SDK1: variants seen among roughly 807,000 people sequenced by gnomAD.
SDK1 encodes the protein protein sidekick-1.
Under a neutral mutation model 245.5 loss-of-function variants are expected in SDK1, and 157 were observed. The observed-to-expected ratio is 0.64, with a 90% CI of 0.56 to 0.73. The LOEUF (loss-of-function observed/expected upper bound fraction) is 0.73, where lower values mean the gene tolerates loss of function less well. Among genes scored for constraint, SDK1 ranks in the 30% least tolerant of loss-of-function variants. The pLI is 0.00. For synonymous variants in SDK1, 1,647 were observed against 1,278.5 expected (o/e 1.29, Z -6.15); for missense variants, 3,583 against 3,002.3 (o/e 1.19, Z -4.52).
At chr7:3,327,463 G>T (rs1450332513) in intron 1 of SDK1, among the ~76,000 whole-genome samples, 2 of 152,024 alleles carry the variant, frequency 1.3e-5, no homozygotes, top group Non-Finnish European at 2.9e-5. Context: ...TGATGCTTTT[G>T]GGTTTCTAGG....
At chr7:3,768,201 T>C (rs563815359) in intron 4 of SDK1, among the ~76,000 whole-genome samples, 1 of 152,308 alleles carries the variant, frequency 6.6e-6, no homozygotes, top group Admixed American at 6.5e-5. Flanking sequence ...AAAGCAGCGT[T>C]GAATATAATA....
chr7:4,018,564 A>G (rs1437538453), intron 17 of SDK1, among the ~76,000 whole-genome samples: 2 of 152,262 alleles, frequency 1.3e-5, no homozygotes, highest in Admixed American at 6.5e-5. Flanking sequence ...TAACTGGTCT[A>G]TTTAATAAAT....
At chr7:3,469,343 A>G (rs1781113026) in intron 1 of SDK1, among the ~76,000 whole-genome samples, 1 of 152,146 alleles carries the variant, frequency 6.6e-6, no homozygotes, top group Non-Finnish European at 1.5e-5. Flanking sequence ...AGGCAGGAGG[A>G]TTGCTTGAGC....
intron 8 of SDK1, among the ~76,000 whole-genome samples, chr7:3,959,793 C>CT (rs796300551): frequency 2.2e-3 from 316 of 145,662 alleles, no homozygotes; most frequent in Middle Eastern, 0.011. Flanking sequence ...GAAATGTTAC[C>CT]TTTTTTTTTT....
chr7:4,244,693 T>G (rs547361091), intron 43 of SDK1, among the ~76,000 whole-genome samples: 1 of 152,330 alleles, frequency 6.6e-6, no homozygotes, highest in Middle Eastern at 3.4e-3. Flanking sequence ...CTCAGGGCCT[T>G]GCATGGGTGT....
At chr7:4,038,366 A>T (rs1788366534) in intron 17 of SDK1, among the ~76,000 whole-genome samples, 1 of 148,372 alleles carries the variant, frequency 6.7e-6, no homozygotes, top group South Asian at 2.1e-4. Context: ...CGGGGCAAAC[A>T]ATTGAAGACA....
At chr7:3,479,337 G>C (rs866214072) in intron 1 of SDK1, among the ~76,000 whole-genome samples, 4 of 147,774 alleles carry the variant, frequency 2.7e-5, no homozygotes, top group Middle Eastern at 7.3e-3. Flanking sequence ...CAGGAGAATC[G>C]ATTGAACCCG....
chr7:3,433,325 T>C (rs1160702488), intron 1 of SDK1, among the ~76,000 whole-genome samples: 12 of 152,240 alleles, frequency 7.9e-5, no homozygotes, highest in Admixed American at 5.9e-4. Flanking sequence ...TGTTAGTTGA[T>C]ATTTGGTTTA....
intron 4 of SDK1, among the ~76,000 whole-genome samples, chr7:3,697,582 G>T (rs1784611680): frequency 6.6e-6 from 1 of 152,034 alleles, no homozygotes; most frequent in Non-Finnish European, 1.5e-5. Flanking sequence ...CTTACTGCTT[G>T]CCCCACATGA....
chr7:3,425,902 C>T (rs1048541043), intron 1 of SDK1, among the ~76,000 whole-genome samples: 1 of 152,080 alleles, frequency 6.6e-6, no homozygotes, highest in Non-Finnish European at 1.5e-5. Flanking sequence ...TAGGAGCCCA[C>T]ATAGGATGGA....
intron 44 of SDK1, among the ~76,000 whole-genome samples, chr7:4,247,335 G>A (rs924120728): frequency 1.7e-4 from 26 of 152,190 alleles, no homozygotes; most frequent in African/African-American, 6.0e-4. Context: ...AGAGGATGCC[G>A]GGTTTGCTGT....
intron 1 of SDK1, among the ~76,000 whole-genome samples, chr7:3,599,843 CTAGA>C (rs1781198170): frequency 6.6e-6 from 1 of 152,178 alleles, no homozygotes; most frequent in Non-Finnish European, 1.5e-5. Context: ...ATTACTGTAG[CTAGA>C]TAGTAACTTT....
chr7:3,557,968 G>C (rs746545771), intron 1 of SDK1, among the ~76,000 whole-genome samples: 2 of 152,112 alleles, frequency 1.3e-5, no homozygotes, highest in Non-Finnish European at 2.9e-5. Context: ...GCAATTATCA[G>C]TATTAGACAA....
rs115732531 is a variant in SDK1, at chr7:4,196,592, T to C, written c.5099-9287T>C. ...GTTCAAGTCTCTGCCTGGATGCACCTGGCCAGGGGAGCCCTCCTAGGCCCA... is the reference window on the plus strand; with the variant it reads ...GTTCAAGTCTCTGCCTGGATGCACCCGGCCAGGGGAGCCCTCCTAGGCCCA... On this transcript the variant is annotated intron_variant, in intron 35 of 44. Coordinates refer to ENST00000404826, the MANE Select transcript of SDK1 (RefSeq NM_152744.4). Among the ~76,000 whole-genome samples the C allele has an allele frequency of 6.1e-3, 936 of 152,300 alleles. 14 individuals carry two copies. The highest frequency in any genetic ancestry group is 0.022 in the African/African-American group (909 of 41,576).
chr7:3,989,632 C>T (rs1395001209), intron 14 of SDK1, among the ~76,000 whole-genome samples: 2 of 152,126 alleles, frequency 1.3e-5, no homozygotes, highest in East Asian at 3.8e-4. Flanking sequence ...CTCTCGGGTA[C>T]CCTCCCCTGA....
At chr7:3,796,251 G>A (rs1778957225) in intron 4 of SDK1, among the ~76,000 whole-genome samples, 1 of 152,228 alleles carries the variant, frequency 6.6e-6, no homozygotes, top group Admixed American at 6.5e-5. Context: ...ATAAGTGAAA[G>A]CTATGCTAAA....
intron 38 of SDK1, among the ~76,000 whole-genome samples, chr7:4,216,646 G>T (rs1212460877): frequency 6.6e-6 from 1 of 152,192 alleles, no homozygotes; most frequent in East Asian, 1.9e-4. Context: ...TTAAAATATG[G>T]TAAAGATAGT....
At chr7:3,570,049 G>C (rs1780057999) in intron 1 of SDK1, among the ~76,000 whole-genome samples, 2 of 152,160 alleles carry the variant, frequency 1.3e-5, no homozygotes, top group Non-Finnish European at 1.5e-5. Flanking sequence ...TCCATCATTT[G>C]AGAGAGGTGG....
In SDK1 at chr7:3,783,218, A is replaced by G. The variant is rs28765162; in HGVS notation, c.714-38232A>G. 5.5e-3 allele frequency among the ~76,000 whole-genome samples: 842 copies of G among 152,330 alleles called. 9 individuals carry two copies. Among genetic ancestry groups the G allele is most frequent in the African/African-American group, 0.019 (809 of 41,564 alleles). ...TTAGTTGTAGAAGGAGTGGACTTCA[A>G]CACAACAAAGGCCGTGTGAGAGAAT... On this transcript the variant is annotated intron_variant, in intron 4 of 44. Coordinates refer to ENST00000404826, the MANE Select transcript of SDK1 (RefSeq NM_152744.4).
Sources: gnomAD v4.1 joint callset for allele counts (sites outside exome capture counted in the v4.1 genomes callset) on GRCh38, gnomAD v4.1.1 for gene constraint, MANE v1.5 for transcripts, NCBI Gene and HGNC (gene_info 2026-07-23, HGNC 2026-07-21) for gene names.